Variants in PLCL2 observed in about 807,000 individuals in gnomAD.
The protein encoded by PLCL2 is inactive phospholipase C-like protein 2.
A neutral mutation model predicts 79.6 loss-of-function variants in PLCL2; 4 were observed. The ratio of observed to expected loss-of-function variants is 0.05; its 90% CI spans 0.02 to 0.11. The LOEUF (loss-of-function observed/expected upper bound fraction) is 0.11, where lower values mean the gene tolerates loss of function less well. PLCL2 is among the 10% of genes least tolerant of loss of function. The probability of loss-of-function intolerance (pLI) is 1.00; values close to 1 mark genes in which losing one functional copy is unlikely to be tolerated. For missense variants in PLCL2, 895 were observed against 1,291.0 expected (o/e 0.69, Z 4.70); for synonymous variants, 484 against 457.7 (o/e 1.06, Z -0.73).
At chr3:17,058,676 G>A (rs1326079592) in intron 4 of PLCL2, among the ~76,000 whole-genome samples, 1 of 152,140 alleles carries the variant, frequency 6.6e-6, no homozygotes, top group Non-Finnish European at 1.5e-5. Context: ...CAAGCTGGGA[G>A]ACTGAGCTCA....
rs748023057 is a variant in PLCL2 at position 17,089,786 on chromosome 3, A to C, written c.3258A>C (p.Lys1086Asn). The change falls in exon 6 of 6, where the codon AAA (lysine) becomes AAC (asparagine). Residue 1086 changes from lysine (K) to asparagine (N), a missense_variant. By Grantham distance (94) the Lys-to-Asn change is moderately conservative. Transcript: ENST00000615277. Reference sequence around the variant, plus strand: ...AGAATGAGACATTGGAGAACCTGAAACAAATCCATTTTGCTGCTGTTTCAT... The same window carrying C: ...AGAATGAGACATTGGAGAACCTGAACCAAATCCATTTTGCTGCTGTTTCAT... ...YAKNETLENL[K>N]QIHFAAVSCG... is the part of the protein sequence containing the mutation. The C allele has an allele frequency of 1.2e-6, 2 of 1,613,866 alleles. No individual in the cohort carries two copies. The highest frequency in any genetic ancestry group is 1.7e-6 in the Non-Finnish European group (2 of 1,179,890).
rs140422033 is a variant in PLCL2, at chr3:17,056,296, A to G, written c.3095-11660A>G. On this transcript the variant is annotated intron_variant, in intron 4 of 5. Coordinates refer to ENST00000615277, the MANE Select transcript of PLCL2 (RefSeq NM_001144382.2). ...AGACAAAATGAATCACCTTTCTCAT[A>G]CAAATACCAGAAGGTTATATATATA... Among the ~76,000 whole-genome samples the G allele has an allele frequency of 5.0e-3, 765 of 152,302 alleles. 6 individuals are homozygous for G. Among genetic ancestry groups the G allele is most frequent in the African/African-American group, 0.017 (700 of 41,576 alleles).
intron 1 of PLCL2, among the ~76,000 whole-genome samples, chr3:16,960,580 T>G (rs1575554746): frequency 3.7e-5 from 1 of 27,120 alleles, no homozygotes; most frequent in Admixed American, 3.2e-4. Context: ...TTTAGTTACG[T>G]TAAGTCCTTC....
In PLCL2 at chr3:16,970,913, G is replaced by T. The variant is rs2063856322; in HGVS notation, c.328-38761G>T. On this transcript the variant is annotated intron_variant, in intron 1 of 5. Transcript: ENST00000615277. ...CGCCCACTTTTTGATGGGGTTGTTT[G>T]TTTTTTTCTTGTAAATTTGTTTGAG... Among the ~76,000 whole-genome samples the T allele has an allele frequency of 5.3e-5, 8 of 151,732 alleles. No homozygotes were observed. The South Asian group carries it at 1.7e-3, about 32-fold the overall frequency.
At chr3:16,973,913 A>C (rs1238880319) in intron 1 of PLCL2, among the ~76,000 whole-genome samples, 1 of 152,238 alleles carries the variant, frequency 6.6e-6, no homozygotes, top group African/African-American at 2.4e-5. Flanking sequence ...GAAGAGGTAT[A>C]TGGTATTGTG....
intron 1 of PLCL2, among the ~76,000 whole-genome samples, chr3:16,966,575 G>T (rs578154927): frequency 1.3e-5 from 2 of 151,748 alleles, no homozygotes; most frequent in South Asian, 4.2e-4. Context: ...GTTGATTGTA[G>T]TCTCAGAAAG....
At chr3:16,925,117 G>GT (rs1697215216) in intron 1 of PLCL2, among the ~76,000 whole-genome samples, 2 of 151,810 alleles carry the variant, frequency 1.3e-5, no homozygotes, top group South Asian at 2.1e-4. Context: ...TAGAGACAGG[G>GT]TTTCACCATG....
chr3:17,030,453 C>T (rs2064568478), intron 3 of PLCL2, among the ~76,000 whole-genome samples: 1 of 152,218 alleles, frequency 6.6e-6, no homozygotes, highest in Non-Finnish European at 1.5e-5. Flanking sequence ...CAGCATTTGT[C>T]ATGCCCCACT....
intron 1 of PLCL2, among the ~76,000 whole-genome samples, chr3:16,960,162 A>C (rs142177761): frequency 6.6e-6 from 1 of 152,316 alleles, no homozygotes; most frequent in East Asian, 1.9e-4. Context: ...TTCCTTCAGC[A>C]TATCACCACT....
At chr3:16,920,680 T>G (rs1025748769) in intron 1 of PLCL2, among the ~76,000 whole-genome samples, 4 of 152,166 alleles carry the variant, frequency 2.6e-5, no homozygotes, top group East Asian at 1.9e-4. Flanking sequence ...TTGTATGGTG[T>G]TTTAATTCAT....
chr3:16,932,519 A>G (rs1697429354), intron 1 of PLCL2, among the ~76,000 whole-genome samples: 1 of 152,076 alleles, frequency 6.6e-6, no homozygotes, highest in African/African-American at 2.4e-5. Context: ...GGAGGTATTT[A>G]TTTTCATCTT....
At chr3:17,007,148 C>T (rs748992382) in intron 1 of PLCL2, among the ~76,000 whole-genome samples, 4 of 152,020 alleles carry the variant, frequency 2.6e-5, no homozygotes, top group African/African-American at 7.2e-5. Flanking sequence ...AAGGTAAATG[C>T]GTCTTTTAAA....
intron 5 of PLCL2, among the ~76,000 whole-genome samples, chr3:17,080,943 A>G (rs1362285176): frequency 6.6e-6 from 1 of 152,220 alleles, no homozygotes; most frequent in Non-Finnish European, 1.5e-5. Context: ...TCAACTCTCT[A>G]TAGTTGTGGC....
intron 1 of PLCL2, among the ~76,000 whole-genome samples, chr3:16,995,736 T>G (rs1280895262): frequency 1.3e-5 from 2 of 152,232 alleles, no homozygotes; most frequent in Admixed American, 1.3e-4. Context: ...CTCTTTTTTG[T>G]GATGTATTAG....
chr3:16,909,654 A>G (rs1243350954), intron 1 of PLCL2, among the ~76,000 whole-genome samples: 2 of 152,212 alleles, frequency 1.3e-5, no homozygotes, highest in Admixed American at 6.5e-5. Context: ...TTATTAATAT[A>G]TTCTGTAACT....
At chr3:17,016,643 C>T (rs1470661852) in intron 3 of PLCL2, among the ~76,000 whole-genome samples, 1 of 152,114 alleles carries the variant, frequency 6.6e-6, no homozygotes, top group Admixed American at 6.5e-5. Context: ...TGCTGAGATT[C>T]CTTTGGTGGG....
chr3:16,948,671 C>G (rs931795043), intron 1 of PLCL2, among the ~76,000 whole-genome samples: 15 of 152,138 alleles, frequency 9.9e-5, no homozygotes, highest in African/African-American at 2.4e-5. Flanking sequence ...CTTGAATTTA[C>G]TAATCTGAGG....
chr3:16,995,222 G>T lies in PLCL2; in HGVS notation c.328-14452G>T, dbSNP rs60950144. ...ATGTCCTTTAGTGTAGTTTATTTAG[G>T]GTGTTAAGGCAGAAACAAAATAAAT... On this transcript the variant is annotated intron_variant, in intron 1 of 5. Coordinates refer to ENST00000615277, the MANE Select transcript of PLCL2 (RefSeq NM_001144382.2). 3.8e-3 allele frequency among the ~76,000 whole-genome samples: 577 copies of T among 152,336 alleles called. 6 individuals carry two copies. The highest frequency in any genetic ancestry group is 0.013 in the African/African-American group (546 of 41,584).
At chr3:17,040,088 T>C (rs1488408134) in intron 3 of PLCL2, among the ~76,000 whole-genome samples, 1 of 152,238 alleles carries the variant, frequency 6.6e-6, no homozygotes, top group East Asian at 1.9e-4. Context: ...ATCTGTTTTA[T>C]TTCTGTACCA....
Sources: allele counts gnomAD v4.1 joint callset (sites outside exome capture counted in the v4.1 genomes callset), GRCh38; gene constraint gnomAD v4.1.1; transcripts MANE v1.5; gene names NCBI Gene and HGNC (gene_info 2026-07-23, HGNC 2026-07-21).